Variants in C6 observed in about 807,000 individuals in gnomAD.
C6 encodes complement C6.
C6 carries 101 observed loss-of-function variants against 112.9 expected under a neutral mutation model. The observed-to-expected ratio is 0.89, with a 90% CI of 0.76 to 1.06. The LOEUF (loss-of-function observed/expected upper bound fraction) is 1.06. C6 is among the 50% of genes least tolerant of loss of function. The pLI is 0.00. For missense variants in C6, 1,202 were observed against 1,104.6 expected (o/e 1.09, Z -1.25); for synonymous variants, 431 against 384.1 (o/e 1.12, Z -1.43).
intron 1 of C6, among the ~76,000 whole-genome samples, chr5:41,205,471 C>A (rs1334212416): frequency 6.6e-6 from 1 of 152,158 alleles, no homozygotes; most frequent in African/African-American, 2.4e-5. Context: ...CCTTTCCTAG[C>A]CAAGGGAAGC....
At chr5:41,162,658 G>T (rs974165921) in intron 9 of C6, among the ~76,000 whole-genome samples, 2 of 152,170 alleles carry the variant, frequency 1.3e-5, no homozygotes, top group South Asian at 2.1e-4. Flanking sequence ...TGATATGAGC[G>T]ATAGTTAGTG....
At chr5:41,157,266 C>T (rs1474228212) in intron 13 of C6, among the ~76,000 whole-genome samples, 1 of 152,156 alleles carries the variant, frequency 6.6e-6, no homozygotes, top group Non-Finnish European at 1.5e-5. Flanking sequence ...TAATGCATCA[C>T]TGTTGAAAGC....
intron 1 of C6, among the ~76,000 whole-genome samples, chr5:41,240,382 G>A (rs909336453): frequency 2.0e-5 from 3 of 152,082 alleles, no homozygotes. Flanking sequence ...TGGCTTTCTT[G>A]GGTGCCAGTA....
Position 41,203,994 on chromosome 5 carries a change from C to T in C6, c.-20-744G>A, listed in dbSNP as rs113235303. Among the ~76,000 whole-genome samples the T allele has an allele frequency of 8.2e-3, 1,242 of 152,216 alleles. 18 individuals carry two copies. Among genetic ancestry groups the T allele is most frequent in the African/African-American group, 0.028 (1,157 of 41,530 alleles). ...ACCACTCAGGCCACAACAGGTTGAG[C>T]GGAAAAATCTTTGACCAGTGGTTCC... On this transcript the variant is annotated intron_variant, in intron 1 of 17. Coordinates refer to ENST00000337836, the MANE Select transcript of C6 (RefSeq NM_000065.5).
At chr5:41,145,729 T>C (rs1745758254) in intron 17 of C6, among the ~76,000 whole-genome samples, 1 of 152,170 alleles carries the variant, frequency 6.6e-6, no homozygotes, top group African/African-American at 2.4e-5. Context: ...GAGAAGATTC[T>C]TGTTCATTGT....
chr5:41,243,031 T>C (rs948154818), intron 1 of C6, among the ~76,000 whole-genome samples: 1 of 152,288 alleles, frequency 6.6e-6, no homozygotes, highest in South Asian at 2.1e-4. Flanking sequence ...GGATAAAGTA[T>C]ACAACATCTC....
chr5:41,174,086 T>C (rs540973355), intron 8 of C6, among the ~76,000 whole-genome samples: 2 of 152,220 alleles, frequency 1.3e-5, no homozygotes, highest in Admixed American at 1.3e-4. Context: ...TATAACATAA[T>C]GAATTAACTA....
In C6 at chr5:41,200,891, G is replaced by GTTTTTTTTTTT. The variant is rs143443464; in HGVS notation, c.300+656_300+666dup. On this transcript the variant is annotated intron_variant, in intron 3 of 17. Transcript: ENST00000337836. ...TGTTTTTGTTGTTGTTGTTGTTGTTGTTTTTTTTTTTTTTTTTTTTTTTTT... is the reference window on the plus strand; with the variant it reads ...TGTTTTTGTTGTTGTTGTTGTTGTTGTTTTTTTTTTTTTTTTTTTTTTTTTTTTTTTTTTTT... Among the ~76,000 whole-genome samples the GTTTTTTTTTTT allele has an allele frequency of 1.4e-3, 102 of 70,646 alleles. 7 individuals carry two copies. The highest frequency in any genetic ancestry group is 1.7e-3 in the African/African-American group (26 of 15,464). The allele number at this position is 70,646 out of a possible 152,430, so 46.3% of individuals were successfully genotyped here.
rs749038461 is a variant in C6, at chr5:41,159,091, A to G, written c.1847T>C (p.Met616Thr). The change falls in exon 12 of 18, where the codon ATG becomes ACG. Residue 616 changes from methionine (M) to threonine (T), a missense_variant. Transcript: ENST00000337836. The part of the protein sequence containing the change: ...RQEEDCTFSI[M>T]ENNGQPCIND... ...CCTTACCCGGCCTTACTTGTTTTCC[A>G]TGATTGAAAATGTGCAGTCTTCCTC... The G allele has an allele frequency of 3.7e-6, 6 of 1,613,660 alleles. No individual in the cohort carries two copies. Among genetic ancestry groups the G allele is most frequent in the African/African-American group, 1.3e-5 (1 of 74,958 alleles).
chr5:41,154,401 TC>T (rs142456156), intron 14 of C6, among the ~76,000 whole-genome samples: 6,912 of 152,318 alleles, frequency 0.045, 164 homozygotes, highest in Middle Eastern at 0.071. Context: ...TGCTTCATGG[TC>T]TCCCACAATA....
chr5:41,146,888 T>C (rs56165209), intron 17 of C6, among the ~76,000 whole-genome samples: 5,144 of 151,610 alleles, frequency 0.034, 314 homozygotes, highest in African/African-American at 0.12. Context: ...TGAAAAAAAA[T>C]TTGTGGGAAG....
At chr5:41,217,609 T>A (rs998381894), upstream of C6, among the ~76,000 whole-genome samples, 4 of 152,132 alleles carry the variant, frequency 2.6e-5, no homozygotes, top group African/African-American at 9.7e-5. Context: ...TGCATAATGA[T>A]GATATTAAAT....
At chr5:41,209,456 G>A (rs1448002322) in intron 1 of C6, among the ~76,000 whole-genome samples, 1 of 152,186 alleles carries the variant, frequency 6.6e-6, no homozygotes, top group Non-Finnish European at 1.5e-5. Flanking sequence ...TGACATGATT[G>A]TATATTTAGA....
intron 13 of C6, among the ~76,000 whole-genome samples, chr5:41,157,596 C>T (rs1415347223): frequency 6.6e-6 from 1 of 152,052 alleles, no homozygotes. Context: ...TCAAATTTGG[C>T]CTTTGGGCCA....
At chr5:41,182,364 G>C (rs952687091) in intron 6 of C6, among the ~76,000 whole-genome samples, 2 of 150,932 alleles carry the variant, frequency 1.3e-5, no homozygotes, top group East Asian at 3.9e-4. Flanking sequence ...TCAGTAGAAC[G>C]TACAGTATGA....
chr5:41,169,821 C>T (rs1225106775), intron 9 of C6, among the ~76,000 whole-genome samples: 1 of 152,160 alleles, frequency 6.6e-6, no homozygotes, highest in African/African-American at 2.4e-5. Context: ...CCTCCTCCAA[C>T]ATTGGGGATT....
chr5:41,163,930 A>C (rs1747758771), intron 9 of C6, among the ~76,000 whole-genome samples: 1 of 152,148 alleles, frequency 6.6e-6, no homozygotes, highest in Non-Finnish European at 1.5e-5. Flanking sequence ...TGTGACTTTG[A>C]CTTTAGGCAA....
intron 17 of C6, among the ~76,000 whole-genome samples, chr5:41,145,856 T>C (rs749970488): frequency 6.6e-6 from 1 of 152,204 alleles, no homozygotes; most frequent in African/African-American, 2.4e-5. Context: ...CCATGGTCAC[T>C]ACCCTTTTAG....
intron 13 of C6, among the ~76,000 whole-genome samples, chr5:41,155,681 A>G (rs1746829422): frequency 6.6e-6 from 1 of 152,002 alleles, no homozygotes; most frequent in Non-Finnish European, 1.5e-5. Context: ...GTGAGCCATG[A>G]TTGTTCCATT....
Sources: gnomAD v4.1 joint callset for allele counts (sites outside exome capture counted in the v4.1 genomes callset) on GRCh38, gnomAD v4.1.1 for gene constraint, MANE v1.5 for transcripts, NCBI Gene and HGNC (gene_info 2026-07-23, HGNC 2026-07-21) for gene names.